The following GOSR1 variants were observed in gnomAD, a reference collection of about 807,000 sequenced individuals.
GOSR1 encodes the protein 28 kDa Golgi SNARE protein.
In GOSR1, 21 loss-of-function variants were observed where a neutral mutation model predicts 35.5. The ratio of observed to expected loss-of-function variants is 0.59; its 90% CI spans 0.42 to 0.85. GOSR1 has a LOEUF of 0.85. Among genes scored for constraint, GOSR1 ranks in the 40% least tolerant of loss-of-function variants. The pLI, the probability that GOSR1 is intolerant of heterozygous loss-of-function variation, is 0.00. For missense variants in GOSR1, 285 were observed against 309.6 expected, an observed-to-expected ratio of 0.92 and a Z score of 0.60; for synonymous variants, 94 against 106.6, an observed-to-expected ratio of 0.88 and a Z score of 0.73.
chr17:30,523,941 A>G lies in GOSR1; in HGVS notation c.*1563A>G. ...CCCCCAACCTGGTGCTCTCTGAAAC[A>G]TGTGCTGTGTCCACTCAGGGTTAAA... On this transcript the variant is annotated 3_prime_UTR_variant, in exon 9 of 9. Coordinates refer to ENST00000451249, the MANE Select transcript of GOSR1 (RefSeq NM_001007025.2). The G allele has an allele frequency of 1.3e-5, 3 of 222,568 alleles. No individual in the cohort carries two copies. Among genetic ancestry groups the G allele is most frequent in the South Asian group, 6.3e-5 (1 of 15,954 alleles). The allele number at this position is 222,568 out of a possible 1,614,324, so 13.8% of individuals were successfully genotyped here.
At chr17:30,502,737 G>A (rs1366391146) in intron 6 of GOSR1, among the ~76,000 whole-genome samples, 1 of 152,214 alleles carries the variant, frequency 6.6e-6, no homozygotes, top group East Asian at 1.9e-4. Context: ...TAATGGAAGA[G>A]AGGTTACAGC....
intron 4 of GOSR1, 187 bp downstream of exon 4, chr17:30,484,957 A>T (rs1392029375): frequency 8.0e-6 from 5 of 626,986 alleles, no homozygotes; most frequent in Non-Finnish European, 1.4e-5. Flanking sequence ...TTCTGAAAAT[A>T]TCTAATAGCT....
chr17:30,490,313 G>A (rs1343190741), intron 5 of GOSR1, 96 bp downstream of exon 5: 2 of 619,840 alleles, frequency 3.2e-6, no homozygotes, highest in East Asian at 5.7e-5. Flanking sequence ...CAGAACCGTG[G>A]TTGAGATTTT....
intron 5 of GOSR1, among the ~76,000 whole-genome samples, chr17:30,491,543 C>T (rs1915044297): frequency 6.6e-6 from 1 of 152,128 alleles, no homozygotes; most frequent in Non-Finnish European, 1.5e-5. Flanking sequence ...TCTGTAATCC[C>T]AGCCACTCGG....
intron 1 of GOSR1, 45 bp downstream of exon 1, chr17:30,477,509 G>A (rs766941029): frequency 4.4e-6 from 7 of 1,594,278 alleles, no homozygotes; most frequent in East Asian, 2.3e-5. Flanking sequence ...AGGGTGAGAG[G>A]GGCTGAGTGA....
Position 30,523,259 on chromosome 17 carries a change from C to T in GOSR1, c.*881C>T, listed in dbSNP as rs1968105076. 5.7e-6 allele frequency: 1 copy of T among 176,942 alleles called. No individual in the cohort carries two copies. The highest frequency in any genetic ancestry group is 6.2e-5 in the Admixed American group (1 of 16,086). The allele number at this position is 176,942 out of a possible 1,614,324, so 11.0% of individuals were successfully genotyped here. A position where few individuals can be genotyped will look rare whatever the true frequency, so the allele number is the denominator to read the frequency against. ...CCCATCTAGGAAGTGAGGAGCGTCTCTGCCCGGCCGCCCATCGTCTGAGAT... is the reference window on the plus strand; with the variant it reads ...CCCATCTAGGAAGTGAGGAGCGTCTTTGCCCGGCCGCCCATCGTCTGAGAT... On this transcript the variant is annotated 3_prime_UTR_variant, in exon 9 of 9. Coordinates refer to ENST00000451249, the MANE Select transcript of GOSR1 (RefSeq NM_001007025.2).
chr17:30,518,756 C>T (rs726663), intron 7 of GOSR1, among the ~76,000 whole-genome samples: 80,928 of 151,678 alleles, frequency 0.53, 21,948 homozygotes, highest in East Asian at 0.83. Context: ...TAGGGAGACC[C>T]CATCTCTAGA....
chr17:30,524,957 A>G lies in GOSR1; in HGVS notation c.*2579A>G, dbSNP rs1968159615. 1 of 152,188 alleles carries G rather than the reference A, an allele frequency of 6.6e-6. No homozygotes were observed. The highest frequency in any genetic ancestry group is 1.5e-5 in the Non-Finnish European group (1 of 68,020). 9.4% of individuals were successfully genotyped at this position (152,188 alleles called of 1,614,324 possible). The stretch of plus-strand genomic sequence containing the variant: ...TCTCTCTCTGCACCTGTCTTCTGTT[A>G]CCATCCCTGGACAGTGACAGATTTT... On this transcript the variant is annotated 3_prime_UTR_variant, in exon 9 of 9. Coordinates refer to ENST00000451249, the MANE Select transcript of GOSR1 (RefSeq NM_001007025.2).
chr17:30,478,523 A>G (rs1376855515), intron 1 of GOSR1: 1 of 151,534 alleles, frequency 6.6e-6, no homozygotes, highest in Non-Finnish European at 1.5e-5. Context: ...ATGTATTACA[A>G]TGCCCATTTG....
chr17:30,487,879 G>T (rs553877203), intron 4 of GOSR1, among the ~76,000 whole-genome samples: 2 of 152,052 alleles, frequency 1.3e-5, no homozygotes, highest in South Asian at 4.1e-4. Context: ...GGGTTCAAGC[G>T]ATTCTTCTGC....
At chr17:30,497,760 A>G (rs552038344) in intron 6 of GOSR1, among the ~76,000 whole-genome samples, 9 of 152,190 alleles carry the variant, frequency 5.9e-5, no homozygotes, top group Admixed American at 1.3e-4. Context: ...CTGATTGTCT[A>G]TTAAAACTCA....
chr17:30,518,980 A>G (rs1436171028), intron 7 of GOSR1, among the ~76,000 whole-genome samples: 1 of 149,042 alleles, frequency 6.7e-6, no homozygotes, highest in Non-Finnish European at 1.5e-5. Flanking sequence ...ATATTAACTC[A>G]AGAGATCTTT....
At chr17:30,492,172 C>T (rs891230972) in intron 5 of GOSR1, among the ~76,000 whole-genome samples, 1 of 152,104 alleles carries the variant, frequency 6.6e-6, no homozygotes, top group Non-Finnish European at 1.5e-5. Flanking sequence ...TTGTCAACTT[C>T]AATACACTGA....
chr17:30,495,233 T>A (rs1475472371), intron 6 of GOSR1, among the ~76,000 whole-genome samples: 1 of 150,432 alleles, frequency 6.6e-6, no homozygotes, highest in Non-Finnish European at 1.5e-5. Flanking sequence ...ATTCTTGCTG[T>A]CTTTATAGAT....
At chr17:30,481,010 C>T (rs1289309427) in intron 1 of GOSR1, 133 bp from the exon 2 acceptor site, 4 of 632,346 alleles carry the variant, frequency 6.3e-6, no homozygotes, top group Non-Finnish European at 1.1e-5. Context: ...CCGTGCCCAG[C>T]CAACACTTTT....
chr17:30,487,476 G>A (rs1277848012), intron 4 of GOSR1, among the ~76,000 whole-genome samples: 1 of 152,084 alleles, frequency 6.6e-6, no homozygotes, highest in East Asian at 1.9e-4. Context: ...GAAAAAGACA[G>A]TAGGAAAATG....
rs59712968 is a variant in GOSR1 at position 30,490,885 on chromosome 17, G to A, written c.434+668G>A. Reference sequence around the variant, plus strand: ...CACTACTGACAAAGTTAAGTCCCATGGGCGTCTCATTGAAGCTGAAGATGT... The same window carrying A: ...CACTACTGACAAAGTTAAGTCCCATAGGCGTCTCATTGAAGCTGAAGATGT... On this transcript the variant is annotated intron_variant, in intron 5 of 8. Transcript: ENST00000451249. Among the ~76,000 whole-genome samples, 640 of 152,134 alleles carry A rather than the reference G, an allele frequency of 4.2e-3. 5 individuals are homozygous for A. Among genetic ancestry groups the A allele is most frequent in the African/African-American group, 0.014 (599 of 41,488 alleles).
At chr17:30,517,081 C>T (rs1291080130) in intron 7 of GOSR1, among the ~76,000 whole-genome samples, 1 of 152,184 alleles carries the variant, frequency 6.6e-6, no homozygotes, top group East Asian at 1.9e-4. Flanking sequence ...TGAAAGTGAT[C>T]TAAATCCTAG....
At chr17:30,503,823 T>C (rs1030829423) in intron 6 of GOSR1, among the ~76,000 whole-genome samples, 50 of 152,218 alleles carry the variant, frequency 3.3e-4, no homozygotes, top group African/African-American at 1.2e-3. Context: ...CAGCATCGTC[T>C]TCCTGTAAGT....
Sources: gnomAD v4.1 joint callset for allele counts (sites outside exome capture counted in the v4.1 genomes callset) on GRCh38, gnomAD v4.1.1 for gene constraint, MANE v1.5 for transcripts, NCBI Gene and HGNC (gene_info 2026-07-23, HGNC 2026-07-21) for gene names.